Variants in CACNA2D2 observed in about 807,000 individuals in gnomAD.
The protein encoded by CACNA2D2 is voltage-dependent calcium channel subunit alpha-2/delta-2.
Under a neutral mutation model 166.4 loss-of-function variants are expected in CACNA2D2, and 48 were observed. That is an observed-to-expected ratio of 0.29 (90% CI 0.23 to 0.37). The LOEUF (loss-of-function observed/expected upper bound fraction) is 0.37, where lower values mean the gene tolerates loss of function less well. Ranked by LOEUF, CACNA2D2 falls within the 10% of genes least tolerant of loss-of-function variation. CACNA2D2 has a pLI of 1.00. For synonymous variants in CACNA2D2, 561 were observed against 573.7 expected, an observed-to-expected ratio of 0.98 and a Z score of 0.32; for missense variants, 1,122 against 1,433.0, an observed-to-expected ratio of 0.78 and a Z score of 3.50.
intron 2 of CACNA2D2, among the ~76,000 whole-genome samples, chr3:50,473,815 C>T (rs1488360921): frequency 2.0e-5 from 3 of 152,168 alleles, no homozygotes; most frequent in East Asian, 1.9e-4. Flanking sequence ...CAGAGTGCCC[C>T]GTGCCAAGAA....
intron 24 of CACNA2D2, 101 bp from the exon 25 acceptor site, chr3:50,368,003 ACCTGGC>A: frequency 8.9e-7 from 1 of 1,128,292 alleles, no homozygotes; most frequent in Non-Finnish European, 1.3e-6. Context: ...CTCCTCCATG[ACCTGGC>A]CCTGGCCCAG....
At chr3:50,411,073 G>A (rs2106799385) in intron 3 of CACNA2D2, among the ~76,000 whole-genome samples, 2 of 152,318 alleles carry the variant, frequency 1.3e-5, no homozygotes, top group African/African-American at 4.8e-5. Context: ...GGGGCTGTGT[G>A]TGGGGTGGCT....
At position 50,366,712 on chromosome 3, in the gene CACNA2D2, C is replaced by T. The variant is rs1397935214; in HGVS notation, c.2590-87G>A. On this transcript the variant is annotated intron_variant, in intron 29 of 37. Coordinates refer to ENST00000424201, the MANE Select transcript of CACNA2D2 (RefSeq NM_006030.4). This position sits in a 1 kb window ranked among gnomAD's most constrained non-coding sequence, Gnocchi z 5.9. ...TCATACATCCGGTTCCCCAGGCCAT[C>T]TGCAGCTGGCCCTGCCTCCATGTAG... is the stretch of plus-strand genomic sequence containing the variant. 13 of 1,576,126 alleles carry T rather than the reference C, an allele frequency of 8.2e-6. No individual in the cohort carries two copies. Among genetic ancestry groups the T allele is most frequent in the Non-Finnish European group, 1.1e-5 (13 of 1,148,650 alleles).
At chr3:50,500,452 G>T (rs1698913477) in intron 1 of CACNA2D2, among the ~76,000 whole-genome samples, 1 of 152,172 alleles carries the variant, frequency 6.6e-6, no homozygotes. Context: ...AAAGAGGCGG[G>T]CAGGGAAGGA....
At chr3:50,501,369 C>T (rs929445061) in intron 1 of CACNA2D2, among the ~76,000 whole-genome samples, 1 of 151,328 alleles carries the variant, frequency 6.6e-6, no homozygotes, top group East Asian at 1.9e-4. Context: ...ACCCTCAGAG[C>T]GGCACAGCCC....
At chr3:50,390,880 G>T (rs762853205) in intron 4 of CACNA2D2, among the ~76,000 whole-genome samples, 1 of 152,228 alleles carries the variant, frequency 6.6e-6, no homozygotes, top group Non-Finnish European at 1.5e-5. Context: ...GGCTGCCAAG[G>T]CCTGGCCAGA....
chr3:50,458,658 C>T (rs1052473271), intron 2 of CACNA2D2, among the ~76,000 whole-genome samples: 2 of 152,148 alleles, frequency 1.3e-5, no homozygotes, highest in South Asian at 2.1e-4. Context: ...CTCCCTGGCA[C>T]GACAGTTAAG....
At chr3:50,474,164 C>A (rs1284003991) in intron 2 of CACNA2D2, among the ~76,000 whole-genome samples, 1 of 152,298 alleles carries the variant, frequency 6.6e-6, no homozygotes, top group East Asian at 1.9e-4. Context: ...AGCAGCATGA[C>A]CACCTTGGTG....
At chr3:50,430,416 G>A (rs985858746) in intron 3 of CACNA2D2, among the ~76,000 whole-genome samples, 1 of 152,232 alleles carries the variant, frequency 6.6e-6, no homozygotes, top group African/African-American at 2.4e-5. Flanking sequence ...TCACACTGTG[G>A]TCTTTACAAG....
At chr3:50,502,944 C>A (rs561499828) in intron 1 of CACNA2D2, among the ~76,000 whole-genome samples, 4 of 152,244 alleles carry the variant, frequency 2.6e-5, no homozygotes, top group Admixed American at 2.0e-4. Context: ...CCGCCCCCCC[C>A]CAACTCCTCC....
At chr3:50,476,648 G>C (rs971849597) in intron 1 of CACNA2D2, among the ~76,000 whole-genome samples, 3 of 152,222 alleles carry the variant, frequency 2.0e-5, no homozygotes, top group Non-Finnish European at 2.9e-5. Flanking sequence ...GAAGGGGACG[G>C]AACACTGCTG....
intron 2 of CACNA2D2, among the ~76,000 whole-genome samples, chr3:50,470,360 G>A (rs1199522331): frequency 6.6e-6 from 1 of 152,174 alleles, no homozygotes; most frequent in Non-Finnish European, 1.5e-5. Flanking sequence ...CAGGTGGCTG[G>A]TGCCACAGAA....
chr3:50,435,158 G>A (rs1708255036), intron 2 of CACNA2D2, among the ~76,000 whole-genome samples: 1 of 141,464 alleles, frequency 7.1e-6, no homozygotes, highest in Non-Finnish European at 1.5e-5. Flanking sequence ...TGTGTGTGAG[G>A]GCTCAACATA....
chr3:50,482,876 G>A (rs1575761149), intron 1 of CACNA2D2, among the ~76,000 whole-genome samples: 3 of 152,302 alleles, frequency 2.0e-5, no homozygotes, highest in African/African-American at 7.2e-5. Context: ...CAGCTTTGGG[G>A]GCTCAAAGCC....
intron 3 of CACNA2D2, among the ~76,000 whole-genome samples, chr3:50,413,302 G>C (rs1310123204): frequency 6.6e-6 from 1 of 151,696 alleles, no homozygotes; most frequent in Non-Finnish European, 1.5e-5. Context: ...ATGGGGGTAA[G>C]AATAGGGCAG....
intron 2 of CACNA2D2, among the ~76,000 whole-genome samples, chr3:50,452,963 G>C (rs1385079496): frequency 6.6e-6 from 1 of 152,100 alleles, no homozygotes; most frequent in Non-Finnish European, 1.5e-5. Context: ...CTAAAATCTA[G>C]GATTTCCTCT....
intron 2 of CACNA2D2, among the ~76,000 whole-genome samples, chr3:50,443,736 C>T (rs1423325470): frequency 6.6e-6 from 1 of 152,248 alleles, no homozygotes; most frequent in African/African-American, 2.4e-5. Flanking sequence ...CTCTTCAACC[C>T]CTTCACCCTC....
chr3:50,393,715 A>T (rs1575620851), intron 4 of CACNA2D2, among the ~76,000 whole-genome samples: 2 of 152,210 alleles, frequency 1.3e-5, no homozygotes, highest in Non-Finnish European at 2.9e-5. Flanking sequence ...GAAGTCAGGG[A>T]AGGGCATTTG....
In CACNA2D2 at chr3:50,380,982, G is replaced by A. The variant is rs1705276946; in HGVS notation, c.784+13C>T. 6.2e-7 allele frequency: 1 copy of A among 1,613,626 alleles called. No individual in the cohort carries two copies. The highest frequency in any genetic ancestry group is 1.1e-5 in the South Asian group (1 of 91,056). ...AGGTGCTGGGTAGACAGGGGACAGGGGCTGGTACCTACCCGGGTAGTAGCG... is the reference window on the plus strand; with the variant it reads ...AGGTGCTGGGTAGACAGGGGACAGGAGCTGGTACCTACCCGGGTAGTAGCG... On this transcript the variant is annotated intron_variant, in intron 7 of 37. Transcript: ENST00000424201. The surrounding 1 kb of genome is among the most constrained non-coding windows in gnomAD (Gnocchi z 4.9).
Sources: allele counts gnomAD v4.1 joint callset (sites outside exome capture counted in the v4.1 genomes callset), GRCh38; gene constraint gnomAD v4.1.1; non-coding constraint Gnocchi (gnomAD v3.1); transcripts MANE v1.5; gene names NCBI Gene and HGNC (gene_info 2026-07-23, HGNC 2026-07-21).